The following RYR2 variants were observed in gnomAD, a reference collection of about 807,000 sequenced individuals.
RYR2 encodes the protein ryanodine receptor 2.
A neutral mutation model predicts 601.1 loss-of-function variants in RYR2; 227 were observed. That is an observed-to-expected ratio of 0.38 (90% CI 0.34 to 0.42). The LOEUF (loss-of-function observed/expected upper bound fraction) is 0.42. RYR2 is among the 10% of genes least tolerant of loss of function. The pLI, the probability that RYR2 is intolerant of heterozygous loss-of-function variation, is 1.00. For synonymous variants in RYR2, 2,223 were observed against 2,175.1 expected (o/e 1.02, Z -0.61); for missense variants, 4,646 against 6,156.5 (o/e 0.75, Z 8.21).
At chr1:237,594,909 T>TTTTG (rs1559084194) in intron 33 of RYR2, among the ~76,000 whole-genome samples, 10 of 114,762 alleles carry the variant, frequency 8.7e-5, no homozygotes, top group African/African-American at 3.2e-4. Flanking sequence ...TTTTTTTTTT[T>TTTTG]TTTTTTTTTT....
intron 63 of RYR2, among the ~76,000 whole-genome samples, chr1:237,694,770 A>G (rs190248974): frequency 6.6e-5 from 10 of 152,304 alleles, no homozygotes; most frequent in Admixed American, 5.9e-4. Context: ...GAAACTCCTC[A>G]CCAAATTAGG....
At chr1:237,779,258 T>C (rs1694906059) in intron 88 of RYR2, among the ~76,000 whole-genome samples, 1 of 152,210 alleles carries the variant, frequency 6.6e-6, no homozygotes, top group Non-Finnish European at 1.5e-5. Context: ...AAAGTAGCTA[T>C]TATATGGATA....
intron 6 of RYR2, among the ~76,000 whole-genome samples, chr1:237,370,944 G>A (rs1700592976): frequency 6.6e-6 from 1 of 152,130 alleles, no homozygotes; most frequent in Non-Finnish European, 1.5e-5. Context: ...ACAGGCATGA[G>A]CCACCGCGCC....
chr1:237,599,303 C>T (rs1178968493), intron 34 of RYR2, among the ~76,000 whole-genome samples: 4 of 152,098 alleles, frequency 2.6e-5, no homozygotes, highest in Non-Finnish European at 5.9e-5. Context: ...AAATAAAAGG[C>T]ATCCAAATTG....
intron 1 of RYR2, among the ~76,000 whole-genome samples, chr1:237,209,497 A>ATGTGTGTGTG (rs55861841): frequency 0.018 from 2,641 of 143,330 alleles, 57 homozygotes; most frequent in South Asian, 0.081. Context: ...ATCTGCATAT[A>ATGTGTGTGTG]TGTGTGTGTG....
intron 89 of RYR2, among the ~76,000 whole-genome samples, chr1:237,782,866 C>T (rs890598335): frequency 2.0e-5 from 3 of 152,150 alleles, no homozygotes; most frequent in Admixed American, 1.3e-4. Flanking sequence ...CACATTAAGC[C>T]TGGATTCAAA....
At chr1:237,532,870 C>T (rs1668269873) in intron 25 of RYR2, among the ~76,000 whole-genome samples, 1 of 152,128 alleles carries the variant, frequency 6.6e-6, no homozygotes, top group South Asian at 2.1e-4. Context: ...ACAGAATTAT[C>T]TTTTGTCAAA....
intron 1 of RYR2, among the ~76,000 whole-genome samples, chr1:237,237,053 G>T (rs1419350084): frequency 6.6e-6 from 1 of 152,052 alleles, no homozygotes; most frequent in Non-Finnish European, 1.5e-5. Flanking sequence ...GTTTTATAAG[G>T]GTCTCTTCCC....
At chr1:237,547,672 C>T (rs1669966822) in intron 25 of RYR2, among the ~76,000 whole-genome samples, 1 of 152,266 alleles carries the variant, frequency 6.6e-6, no homozygotes, top group African/African-American at 2.4e-5. Context: ...CAGGGCAGTA[C>T]TATTGCCCTT....
At chr1:237,218,214 C>T (rs1432093373) in intron 1 of RYR2, among the ~76,000 whole-genome samples, 1 of 152,054 alleles carries the variant, frequency 6.6e-6, no homozygotes, top group African/African-American at 2.4e-5. Flanking sequence ...TAGGAGGAAT[C>T]CTTACTGAAT....
At chr1:237,472,683 T>TAA (rs34226963) in intron 17 of RYR2, among the ~76,000 whole-genome samples, 70,643 of 146,108 alleles carry the variant, frequency 0.48, 17,581 homozygotes, top group East Asian at 0.65. Context: ...TATATTTTTG[T>TAA]AAAAAAAAAA....
rs375122012 is a variant in RYR2, at chr1:237,609,805, C to T, written c.4684-957C>T. 4.2e-4 allele frequency among the ~76,000 whole-genome samples: 64 copies of T among 152,198 alleles called. No homozygotes were observed. The South Asian group carries it at 0.013, about 31-fold the overall frequency. On this transcript the variant is annotated intron_variant, in intron 35 of 104. Transcript: ENST00000366574. ...GCCCATGACATCTCTTTTAAAATAC[C>T]ATTTAATTCATTTAATTTACTTATT...
intron 1 of RYR2, among the ~76,000 whole-genome samples, chr1:237,064,115 C>T (rs1217189680): frequency 2.6e-5 from 4 of 152,058 alleles, no homozygotes; most frequent in Admixed American, 6.5e-5. Context: ...TTTGGGATTC[C>T]GATGATAGAT....
intron 16 of RYR2, among the ~76,000 whole-genome samples, chr1:237,456,984 G>C (rs1558851523): frequency 6.6e-6 from 1 of 152,062 alleles, no homozygotes; most frequent in Non-Finnish European, 1.5e-5. Flanking sequence ...TTTATAACAT[G>C]CCTCCTAATT....
intron 76 of RYR2, 92 bp from the exon 77 acceptor site, chr1:237,730,168 G>T: frequency 1.4e-6 from 1 of 732,338 alleles, no homozygotes; most frequent in Non-Finnish European, 2.5e-6. Context: ...TACACTTTCA[G>T]TGCACAGATA....
At chr1:237,415,504 A>G (rs1421195235) in intron 10 of RYR2, among the ~76,000 whole-genome samples, 1 of 152,200 alleles carries the variant, frequency 6.6e-6, no homozygotes, top group African/African-American at 2.4e-5. Flanking sequence ...AATTTGTGAA[A>G]TGTTCTTGCC....
intron 1 of RYR2, among the ~76,000 whole-genome samples, chr1:237,043,606 A>G (rs1558132458): frequency 6.6e-6 from 1 of 152,080 alleles, no homozygotes; most frequent in African/African-American, 2.4e-5. Flanking sequence ...GCTAATAATA[A>G]CCTAGTTAGC....
intron 91 of RYR2, among the ~76,000 whole-genome samples, chr1:237,787,551 C>A (rs2149364750): frequency 6.7e-6 from 1 of 150,226 alleles, no homozygotes; most frequent in South Asian, 2.1e-4. Flanking sequence ...GAGATGGCGC[C>A]CCTGCATTCC....
At chr1:237,594,902 T>TTG (rs1675678869) in intron 33 of RYR2, among the ~76,000 whole-genome samples, 5 of 26,108 alleles carry the variant, frequency 1.9e-4, no homozygotes, top group Non-Finnish European at 3.7e-4. Context: ...TTTTTTTTTT[T>TTG]TTTTTTTTTT....
Sources: allele counts gnomAD v4.1 joint callset (sites outside exome capture counted in the v4.1 genomes callset), GRCh38; gene constraint gnomAD v4.1.1; transcripts MANE v1.5; gene names NCBI Gene and HGNC (gene_info 2026-07-23, HGNC 2026-07-21).